The following ACTL8 variants were observed in gnomAD, a reference collection of about 807,000 sequenced individuals.
The protein encoded by ACTL8 is actin-like protein 8.
ACTL8 carries 3 observed loss-of-function variants against 9.3 expected under a neutral mutation model. The ratio of observed to expected loss-of-function variants is 0.32; its 90% CI spans 0.15 to 0.83. ACTL8 has a LOEUF of 0.83. Among genes scored for constraint, ACTL8 ranks in the 40% least tolerant of loss-of-function variants. The pLI is 0.57. For synonymous variants in ACTL8, 224 were observed against 205.9 expected, an observed-to-expected ratio of 1.09 and a Z score of -0.75; for missense variants, 381 against 492.2, an observed-to-expected ratio of 0.77 and a Z score of 2.14.
At chr1:17,786,050 G>A (rs1367162271) in intron 1 of ACTL8, among the ~76,000 whole-genome samples, 1 of 152,222 alleles carries the variant, frequency 6.6e-6, no homozygotes, top group African/African-American at 2.4e-5. Context: ...GGCTGGGCCT[G>A]TCCTTGGGTG....
At chr1:17,763,623 A>G (rs1189341616) in intron 1 of ACTL8, among the ~76,000 whole-genome samples, 2 of 152,164 alleles carry the variant, frequency 1.3e-5, no homozygotes, top group African/African-American at 2.4e-5. Flanking sequence ...GCAGCTCATT[A>G]CGTCTTCCCC....
At chr1:17,803,212 T>C (rs1175374681) in intron 1 of ACTL8, among the ~76,000 whole-genome samples, 1 of 151,082 alleles carries the variant, frequency 6.6e-6, no homozygotes, top group Non-Finnish European at 1.5e-5. Context: ...CCCCCCCTTT[T>C]GCTCGGCACT....
chr1:17,784,690 T>G (rs2066183124), intron 1 of ACTL8, among the ~76,000 whole-genome samples: 1 of 152,202 alleles, frequency 6.6e-6, no homozygotes, highest in Non-Finnish European at 1.5e-5. Flanking sequence ...CATTTATTCC[T>G]CATGGGATAA....
intron 2 of ACTL8, among the ~76,000 whole-genome samples, chr1:17,824,699 C>T (rs150697669): frequency 3.0e-4 from 45 of 152,280 alleles, no homozygotes; most frequent in African/African-American, 1.1e-3. Context: ...TGTAACTGGG[C>T]ATCCTGTAGT....
intron 1 of ACTL8, among the ~76,000 whole-genome samples, chr1:17,812,218 C>G (rs1257800985): frequency 6.6e-6 from 1 of 151,980 alleles, no homozygotes. Context: ...AGTCTTCCAA[C>G]TTTGTTCTTT....
At chr1:17,783,335 G>GTTTTTTTTTTT (rs56666980) in intron 1 of ACTL8, among the ~76,000 whole-genome samples, 1 of 139,204 alleles carries the variant, frequency 7.2e-6, no homozygotes, top group African/African-American at 2.8e-5. Flanking sequence ...AAAAAGAGGA[G>GTTTTTTTTTTT]TTTTTTTTTT....
chr1:17,758,212 C>T (rs1377719004), intron 1 of ACTL8, among the ~76,000 whole-genome samples: 3 of 152,066 alleles, frequency 2.0e-5, no homozygotes, highest in Non-Finnish European at 4.4e-5. Flanking sequence ...TAGCAGATAC[C>T]GAGGGGCAGC....
At chr1:17,817,011 T>G (rs990053727) in intron 1 of ACTL8, among the ~76,000 whole-genome samples, 3 of 152,160 alleles carry the variant, frequency 2.0e-5, no homozygotes, top group Non-Finnish European at 2.9e-5. Context: ...CTGCCTGTTA[T>G]TTTTTTCACT....
chr1:17,774,776 G>A (rs1243035261), intron 1 of ACTL8, among the ~76,000 whole-genome samples: 2 of 152,154 alleles, frequency 1.3e-5, no homozygotes, highest in Admixed American at 1.3e-4. Flanking sequence ...CGGTAGAGGT[G>A]TTGACAGAGG....
At chr1:17,816,034 G>A (rs1203724113) in intron 1 of ACTL8, among the ~76,000 whole-genome samples, 1 of 151,986 alleles carries the variant, frequency 6.6e-6, no homozygotes, top group East Asian at 1.9e-4. Context: ...ATGAATACAA[G>A]GTGGAATAAG....
intron 1 of ACTL8, among the ~76,000 whole-genome samples, chr1:17,766,533 CAAA>C (rs1286584154): frequency 6.6e-6 from 1 of 152,154 alleles, no homozygotes; most frequent in Non-Finnish European, 1.5e-5. Flanking sequence ...ATAGCAAAAG[CAAA>C]AGTCACAACC....
intron 1 of ACTL8, among the ~76,000 whole-genome samples, chr1:17,797,641 GT>G (rs2102690811): frequency 6.6e-6 from 1 of 152,280 alleles, no homozygotes; most frequent in South Asian, 2.1e-4. Flanking sequence ...GCAGTGTAGT[GT>G]GCAGTCGAGA....
At chr1:17,761,273 T>A (rs2066000558) in intron 1 of ACTL8, among the ~76,000 whole-genome samples, 1 of 151,758 alleles carries the variant, frequency 6.6e-6, no homozygotes, top group Non-Finnish European at 1.5e-5. Flanking sequence ...GCTTGGCCAC[T>A]GTGGCATTTA....
At chr1:17,757,843 C>G (rs908701051) in intron 1 of ACTL8, among the ~76,000 whole-genome samples, 8 of 152,204 alleles carry the variant, frequency 5.3e-5, no homozygotes, top group Non-Finnish European at 1.2e-4. Context: ...TGGCTGTTAG[C>G]TTCTGCAGCT....
At chr1:17,800,521 C>T (rs2066312944) in intron 1 of ACTL8, among the ~76,000 whole-genome samples, 1 of 151,086 alleles carries the variant, frequency 6.6e-6, no homozygotes, top group Admixed American at 6.6e-5. Context: ...ACTGCCCTTG[C>T]CGGGACTTCG....
chr1:17,756,095 T>C (rs1966041), intron 1 of ACTL8, among the ~76,000 whole-genome samples: 49,643 of 151,160 alleles, frequency 0.33, 9,690 homozygotes, highest in African/African-American at 0.54. Context: ...TATTTCAGCC[T>C]TCGGAGGGGA....
intron 1 of ACTL8, among the ~76,000 whole-genome samples, chr1:17,800,635 G>A (rs1004508548): frequency 2.6e-5 from 3 of 113,978 alleles, no homozygotes; most frequent in Non-Finnish European, 5.0e-5. Flanking sequence ...CACTATTGTT[G>A]CCAGGGCTGG....
At chr1:17,789,788 ACCTGCTAAATG>A (rs1192896128) in intron 1 of ACTL8, among the ~76,000 whole-genome samples, 4 of 152,110 alleles carry the variant, frequency 2.6e-5, no homozygotes, top group African/African-American at 9.7e-5. Flanking sequence ...TTTTCCAAGT[ACCTGCTAAATG>A]CCTGGCTCTG....
chr1:17,819,418 A>G (rs2053630068), intron 1 of ACTL8, among the ~76,000 whole-genome samples: 1 of 152,182 alleles, frequency 6.6e-6, no homozygotes, highest in African/African-American at 2.4e-5. Flanking sequence ...AAAGGCAGAT[A>G]AGCCTGTTCT....
Sources: allele counts gnomAD v4.1 joint callset (sites outside exome capture counted in the v4.1 genomes callset), GRCh38; gene constraint gnomAD v4.1.1; transcripts MANE v1.5; gene names NCBI Gene and HGNC (gene_info 2026-07-23, HGNC 2026-07-21).